WDR72: variants seen among roughly 807,000 people sequenced by gnomAD.
WDR72 encodes WD repeat domain 72.
Under a neutral mutation model 124.2 loss-of-function variants are expected in WDR72, and 120 were observed. That is an observed-to-expected ratio of 0.97 (90% CI 0.83 to 1.12). WDR72 has a LOEUF of 1.12. Among genes scored for constraint, WDR72 ranks in the 50% most tolerant of loss-of-function variants. WDR72 has a pLI of 0.00. For missense variants in WDR72, 1,387 were observed against 1,278.8 expected, an observed-to-expected ratio of 1.08 and a Z score of -1.29; for synonymous variants, 452 against 441.7, an observed-to-expected ratio of 1.02 and a Z score of -0.29.
chr15:53,715,893 T>C (rs1382760178), intron 4 of WDR72, among the ~76,000 whole-genome samples: 1 of 152,142 alleles, frequency 6.6e-6, no homozygotes, highest in Admixed American at 6.5e-5. Flanking sequence ...TAAAAAGAAA[T>C]AAAGTATTTG....
At chr15:53,570,362 T>C (rs188099863) in intron 18 of WDR72, among the ~76,000 whole-genome samples, 2 of 151,300 alleles carry the variant, frequency 1.3e-5, no homozygotes, top group Admixed American at 1.3e-4. Flanking sequence ...TGCTGTACAA[T>C]AGGTACCTGG....
At chr15:53,716,197 A>G (rs1054186314) in intron 4 of WDR72, among the ~76,000 whole-genome samples, 5 of 152,350 alleles carry the variant, frequency 3.3e-5, no homozygotes, top group South Asian at 2.1e-4. Context: ...AGTTATATAC[A>G]GAGAAATTAA....
intron 16 of WDR72, 87 bp from the exon 17 acceptor site, chr15:53,609,679 G>C: frequency 8.8e-7 from 1 of 1,137,066 alleles, no homozygotes; most frequent in Non-Finnish European, 1.3e-6. Flanking sequence ...AGAATCACCT[G>C]GGAAGCTTTG....
chr15:53,702,501 G>T, intron 11 of WDR72, 147 bp from the exon 12 acceptor site: 1 of 668,752 alleles, frequency 1.5e-6, no homozygotes, highest in Non-Finnish European at 2.5e-6. Context: ...AACATCCTTA[G>T]ATCATCTTGA....
At chr15:53,760,060 G>A (rs1208625513), upstream of WDR72, among the ~76,000 whole-genome samples, 1 of 148,516 alleles carries the variant, frequency 6.7e-6, no homozygotes, top group Non-Finnish European at 1.5e-5. Context: ...CACAGTAGGT[G>A]TATATATTTA....
Position 53,615,726 on chromosome 15 carries a change from G to A in WDR72, c.2480C>T (p.Pro827Leu), listed in dbSNP as rs1308166485. Residue 827 changes from proline to leucine, a missense_variant, in exon 15 of 20, where the codon CCT (proline) becomes CTT (leucine). Pro to Leu is a moderately conservative substitution (Grantham distance 98, BLOSUM62 -3). Coordinates refer to ENST00000360509, the MANE Select transcript of WDR72 (RefSeq NM_182758.4). ...KHLNILKLQG[P>L]ISLGISLNED... Reference sequence around the variant, plus strand: ...ATTCAAAGAAATTCCCAAAGAAATAGGACCCTGAAGCTTTAAAATATTGAG... The same window carrying A: ...ATTCAAAGAAATTCCCAAAGAAATAAGACCCTGAAGCTTTAAAATATTGAG... 3 of 1,612,944 alleles carry A rather than the reference G, an allele frequency of 1.9e-6. No homozygotes were observed. Among genetic ancestry groups the A allele is most frequent in the Admixed American group, 1.7e-5 (1 of 59,770 alleles).
chr15:53,691,693 G>T (rs2016850952), intron 13 of WDR72, among the ~76,000 whole-genome samples: 2 of 151,834 alleles, frequency 1.3e-5, no homozygotes, highest in East Asian at 1.9e-4. Flanking sequence ...CAAAAATAAA[G>T]CCAGTATTCC....
intron 14 of WDR72, among the ~76,000 whole-genome samples, chr15:53,626,342 G>T (rs2014206537): frequency 6.6e-6 from 1 of 152,218 alleles, no homozygotes. Flanking sequence ...ACTTAGCCAG[G>T]CAGGAAAAAT....
At chr15:53,613,838 T>A in intron 15 of WDR72, 81 bp from the exon 16 acceptor site, 1 of 922,766 alleles carries the variant, frequency 1.1e-6, no homozygotes, top group Non-Finnish European at 1.7e-6. Flanking sequence ...TATGGGTACA[T>A]GACCACTTTA....
At chr15:53,537,859 T>A (rs578235678) in intron 18 of WDR72, among the ~76,000 whole-genome samples, 2 of 152,202 alleles carry the variant, frequency 1.3e-5, no homozygotes, top group Non-Finnish European at 2.9e-5. Context: ...ATTATCTTGA[T>A]CTTCATTGAA....
At chr15:53,675,341 CAA>C (rs58306742) in intron 13 of WDR72, among the ~76,000 whole-genome samples, 59,832 of 126,086 alleles carry the variant, frequency 0.47, 12,541 homozygotes, top group East Asian at 0.68. Context: ...GACTCTGTCT[CAA>C]AAAAAAAAAA....
intron 18 of WDR72, among the ~76,000 whole-genome samples, chr15:53,551,670 C>G (rs1893734697): frequency 6.6e-6 from 1 of 152,030 alleles, no homozygotes; most frequent in Non-Finnish European, 1.5e-5. Flanking sequence ...CACAGAATCA[C>G]TATAAAAAAC....
chr15:53,627,803 T>C (rs1245625333), intron 14 of WDR72, among the ~76,000 whole-genome samples: 2 of 152,188 alleles, frequency 1.3e-5, no homozygotes, highest in Non-Finnish European at 2.9e-5. Context: ...AAAAAATTAG[T>C]GCCTAATTGC....
chr15:53,625,798 C>CAA lies in WDR72; in HGVS notation c.1963-9557_1963-9556dup, dbSNP rs5812699. Reference sequence around the variant, plus strand: ...AAACAGAAAGGACCAACTGTTCAGACAAAAAAAAAAAAATGTAATAGGTGT... The same window carrying CAA: ...AAACAGAAAGGACCAACTGTTCAGACAAAAAAAAAAAAAAATGTAATAGGTGT... On this transcript the variant is annotated intron_variant, in intron 14 of 19. Coordinates refer to ENST00000360509, the MANE Select transcript of WDR72 (RefSeq NM_182758.4). Among the ~76,000 whole-genome samples, 389 of 139,614 alleles carry CAA rather than the reference C, an allele frequency of 2.8e-3. 3 individuals carry two copies. Among genetic ancestry groups the CAA allele is most frequent in the Admixed American group, 6.8e-3 (96 of 14,030 alleles). The allele number at this position is 139,614 out of a possible 152,430, so 91.6% of individuals were successfully genotyped here. A position where few individuals can be genotyped will look rare whatever the true frequency, so the allele number is the denominator to read the frequency against.
intron 18 of WDR72, among the ~76,000 whole-genome samples, chr15:53,539,625 T>C (rs1266526636): frequency 2.0e-5 from 3 of 151,574 alleles, no homozygotes; most frequent in Non-Finnish European, 4.4e-5. Flanking sequence ...GTAAAGGTTT[T>C]AGCATAAAGG....
intron 18 of WDR72, among the ~76,000 whole-genome samples, chr15:53,568,914 G>A (rs1894399126): frequency 6.6e-6 from 1 of 151,874 alleles, no homozygotes; most frequent in African/African-American, 2.4e-5. Flanking sequence ...ACAAAGAATG[G>A]TACGATATAT....
chr15:53,601,137 C>A lies in WDR72; in HGVS notation c.2953-3863G>T, dbSNP rs192301642. The stretch of plus-strand genomic sequence containing the variant: ...AGGCCAGGTCACCTACAAAGGGAAG[C>A]CCATTAGACTAACAGTGGGCCTCTT... On this transcript the variant is annotated intron_variant, in intron 17 of 19. Coordinates refer to ENST00000360509, the MANE Select transcript of WDR72 (RefSeq NM_182758.4). Among the ~76,000 whole-genome samples, 5 of 152,190 alleles carry A rather than the reference C, an allele frequency of 3.3e-5. No homozygotes were observed. The East Asian group carries it at 5.8e-4, about 18-fold the overall frequency.
At chr15:53,737,559 G>T (rs1230730543) in intron 1 of WDR72, among the ~76,000 whole-genome samples, 1 of 152,102 alleles carries the variant, frequency 6.6e-6, no homozygotes, top group Non-Finnish European at 1.5e-5. Context: ...ACTGTTGGGG[G>T]AGGTGGTGGT....
At chr15:53,637,851 G>A (rs1407244628) in intron 14 of WDR72, among the ~76,000 whole-genome samples, 1 of 152,166 alleles carries the variant, frequency 6.6e-6, no homozygotes, top group African/African-American at 2.4e-5. Context: ...ATGCGTGAAA[G>A]TGTGAGTGAG....
Sources: gnomAD v4.1 joint callset for allele counts (sites outside exome capture counted in the v4.1 genomes callset) on GRCh38, gnomAD v4.1.1 for gene constraint, MANE v1.5 for transcripts, NCBI Gene and HGNC (gene_info 2026-07-23, HGNC 2026-07-21) for gene names.